Variants in CNTNAP3B observed in about 807,000 individuals in gnomAD.
CNTNAP3B encodes the protein contactin-associated protein-like 3B.
In CNTNAP3B, 25 loss-of-function variants were observed where a neutral mutation model predicts 108.9. The observed-to-expected ratio is 0.23, with a 90% confidence interval of 0.17 to 0.32. The LOEUF is 0.32. Ranked by LOEUF, CNTNAP3B falls within the 10% of genes least tolerant of loss-of-function variation. The pLI is 1.00. For missense variants in CNTNAP3B, 252 were observed against 1,210.4 expected (o/e 0.21, Z 11.75); for synonymous variants, 103 against 473.4 (o/e 0.22, Z 10.16).
At chr9:41,942,602 C>T (rs1248242007) in intron 13 of CNTNAP3B, among the ~76,000 whole-genome samples, 3 of 149,530 alleles carry the variant, frequency 2.0e-5, no homozygotes, top group Non-Finnish European at 4.4e-5. Flanking sequence ...CAGAGCGAGA[C>T]TCTCTCAAAA....
rs1198179131 is a variant in CNTNAP3B, at chr9:42,110,605, C to T, written c.86-5866G>A. Among the ~76,000 whole-genome samples, 10 of 137,364 alleles carry T rather than the reference C, an allele frequency of 7.3e-5. 2 individuals carry two copies. Among genetic ancestry groups the T allele is most frequent in the Admixed American group, 2.9e-4 (4 of 13,794 alleles). The allele number at this position is 137,364 out of a possible 152,430, so 90.1% of individuals were successfully genotyped here. Reference sequence around the variant, plus strand: ...CTCGATTAGGTCAAATTCACTAACTCCACAGCAGGCTTCTCTCTGGTTCCA... The same window carrying T: ...CTCGATTAGGTCAAATTCACTAACTTCACAGCAGGCTTCTCTCTGGTTCCA... On this transcript the variant is annotated intron_variant, in intron 1 of 23. Transcript: ENST00000377561.
At position 42,053,377 on chromosome 9, in the gene CNTNAP3B, T is replaced by A. The variant is rs2118546971; in HGVS notation, c.390+23492A>T. 1.5e-5 allele frequency among the ~76,000 whole-genome samples: 2 copies of A among 133,624 alleles called. 1 individual carries two copies. Among genetic ancestry groups the A allele is most frequent in the South Asian group, 4.9e-4 (2 of 4,118 alleles). 87.7% of individuals were successfully genotyped at this position (133,624 alleles called of 152,430 possible). ...TAAAATTAGATTTGTCATGAATTGA[T>A]GTCATATGTATAATTTGGGGGAAAG... On this transcript the variant is annotated intron_variant, in intron 3 of 23. Transcript: ENST00000377561.
intron 13 of CNTNAP3B, among the ~76,000 whole-genome samples, chr9:41,940,633 G>C (rs1479508376): frequency 6.6e-6 from 1 of 152,240 alleles, no homozygotes; most frequent in Non-Finnish European, 1.5e-5. Context: ...TGGCTAACAC[G>C]GTGAAACCCC....
At chr9:42,115,268 T>G (rs1828289097) in intron 1 of CNTNAP3B, among the ~76,000 whole-genome samples, 1 of 134,764 alleles carries the variant, frequency 7.4e-6, no homozygotes, top group Non-Finnish European at 1.6e-5. Flanking sequence ...GGATCCAAGA[T>G]GGTCGAATAG....
At chr9:41,928,068 C>T (rs1481255770) in intron 15 of CNTNAP3B, among the ~76,000 whole-genome samples, 20 of 152,192 alleles carry the variant, frequency 1.3e-4, no homozygotes, top group Non-Finnish European at 2.1e-4. Flanking sequence ...ATAATTAACG[C>T]TAAGGCATAT....
In CNTNAP3B at chr9:41,993,575, T is replaced by A. The variant is rs575001118; in HGVS notation, c.1072-1704A>T. On this transcript the variant is annotated intron_variant, in intron 7 of 23. Coordinates refer to ENST00000377561, the MANE Select transcript of CNTNAP3B (RefSeq NM_001201380.3). The stretch of plus-strand genomic sequence containing the variant: ...AATTGGCGCTGATCCGTAGTACACA[T>A]GTAATCACTGGACTATTACATATTT... 67 of 107,176 alleles carry A rather than the reference T, an allele frequency of 6.3e-4. 8 individuals are homozygous for A. Among genetic ancestry groups the A allele is most frequent in the African/African-American group, 2.2e-3 (60 of 27,038 alleles). The allele number at this position is 107,176 out of a possible 1,614,324, so 6.6% of individuals were successfully genotyped here. A position where few individuals can be genotyped will look rare whatever the true frequency, so the allele number is the denominator to read the frequency against.
intron 4 of CNTNAP3B, among the ~76,000 whole-genome samples, chr9:42,012,157 G>A (rs199958461): frequency 0.053 from 3,934 of 74,588 alleles, 241 homozygotes; most frequent in East Asian, 0.13. Flanking sequence ...TTCCACTTTG[G>A]AGTCAGTAAA....
intron 15 of CNTNAP3B, among the ~76,000 whole-genome samples, chr9:41,928,833 A>T (rs1388583782): frequency 2.9e-5 from 4 of 136,322 alleles, no homozygotes; most frequent in Non-Finnish European, 4.8e-5. Flanking sequence ...TGGGGGAGTG[A>T]GGACTTGACC....
chr9:41,963,218 T>A (rs1255242693), intron 11 of CNTNAP3B, among the ~76,000 whole-genome samples: 1 of 152,282 alleles, frequency 6.6e-6, no homozygotes, highest in Non-Finnish European at 1.5e-5. Context: ...ATGGAAGAGT[T>A]CTTAAAAGTT....
intron 13 of CNTNAP3B, among the ~76,000 whole-genome samples, chr9:41,945,545 T>C (rs1824507761): frequency 6.6e-6 from 1 of 152,310 alleles, no homozygotes; most frequent in South Asian, 2.1e-4. Flanking sequence ...ATGTTCTCAC[T>C]CATAGGTGGG....
At chr9:42,046,089 C>T (rs1826869708) in intron 3 of CNTNAP3B, among the ~76,000 whole-genome samples, 1 of 126,642 alleles carries the variant, frequency 7.9e-6, no homozygotes, top group African/African-American at 3.2e-5. Flanking sequence ...ACAGTCAGTG[C>T]TGTGGGCTCA....
intron 13 of CNTNAP3B, among the ~76,000 whole-genome samples, chr9:41,942,864 G>A (rs1399416102): frequency 1.3e-5 from 2 of 152,152 alleles, no homozygotes; most frequent in East Asian, 1.9e-4. Flanking sequence ...AGCAAATTCA[G>A]CCTAACTACT....
chr9:42,033,063 T>C (rs548019244), intron 3 of CNTNAP3B, among the ~76,000 whole-genome samples: 4 of 142,262 alleles, frequency 2.8e-5, no homozygotes, highest in African/African-American at 1.1e-4. Flanking sequence ...GCACTCCATG[T>C]GAATGGCTTT....
chr9:42,128,176 T>G (rs1349264650), intron 1 of CNTNAP3B, among the ~76,000 whole-genome samples: 2 of 139,152 alleles, frequency 1.4e-5, no homozygotes, highest in Admixed American at 7.1e-5. Context: ...TGCAATGTTG[T>G]GTAAACATTT....
intron 13 of CNTNAP3B, among the ~76,000 whole-genome samples, chr9:41,940,475 C>T (rs1824303934): frequency 1.3e-5 from 2 of 152,284 alleles, no homozygotes; most frequent in Non-Finnish European, 2.9e-5. Flanking sequence ...GAATTGTCAA[C>T]TATAAATTAT....
At chr9:41,981,867 A>AC (rs772744729) in intron 9 of CNTNAP3B, among the ~76,000 whole-genome samples, 16,547 of 44,984 alleles carry the variant, frequency 0.37, 1,630 homozygotes, top group Non-Finnish European at 0.39. Flanking sequence ...AGCCTGGGCA[A>AC]ATAACGAGAC....
At chr9:42,030,792 C>CGA (rs752901003) in intron 3 of CNTNAP3B, among the ~76,000 whole-genome samples, 2 of 41,982 alleles carry the variant, frequency 4.8e-5, no homozygotes, top group African/African-American at 8.9e-5. Flanking sequence ...GAGATGTGTG[C>CGA]GAGAGAGAGA....
intron 13 of CNTNAP3B, among the ~76,000 whole-genome samples, chr9:41,942,165 A>G (rs1406322760): frequency 3.9e-5 from 6 of 152,372 alleles, no homozygotes; most frequent in Non-Finnish European, 1.5e-5. Context: ...TAAAAGACTG[A>G]CCTAATCCTA....
intron 3 of CNTNAP3B, among the ~76,000 whole-genome samples, chr9:42,074,890 T>C (rs1015522031): frequency 7.0e-6 from 1 of 142,296 alleles, no homozygotes; most frequent in African/African-American, 2.8e-5. Context: ...AGTTAGGCTT[T>C]AGAGGCTGAG....
Sources: gnomAD v4.1 joint callset for allele counts (sites outside exome capture counted in the v4.1 genomes callset) on GRCh38, gnomAD v4.1.1 for gene constraint, MANE v1.5 for transcripts, NCBI Gene and HGNC (gene_info 2026-07-23, HGNC 2026-07-21) for gene names.